KLHL6: variants seen among roughly 807,000 people sequenced by gnomAD.
The protein encoded by KLHL6 is kelch like family member 6.
KLHL6 carries 41 observed loss-of-function variants against 58.6 expected under a neutral mutation model. The observed-to-expected ratio is 0.70, with a 90% CI of 0.55 to 0.91. The LOEUF is 0.91. Ranked by LOEUF, KLHL6 falls within the 40% of genes least tolerant of loss-of-function variation. KLHL6 has a pLI of 0.00. For synonymous variants in KLHL6, 338 were observed against 322.7 expected, an observed-to-expected ratio of 1.05 and a Z score of -0.51; for missense variants, 714 against 805.6, an observed-to-expected ratio of 0.89 and a Z score of 1.38.
intron 1 of KLHL6, among the ~76,000 whole-genome samples, chr3:183,538,455 A>G (rs1442588521): frequency 2.6e-5 from 4 of 151,930 alleles, no homozygotes; most frequent in African/African-American, 9.7e-5. Flanking sequence ...CCAGGAACGA[A>G]CTCCCCTGTT....
chr3:183,491,805 G>A lies in KLHL6; in HGVS notation c.*122C>T. ...CCAAGGTTCCCCCAAAGTGAGTCAA[G>A]GGGATCCCCTGATGTATGGCCTCAA... On this transcript the variant is annotated 3_prime_UTR_variant, in exon 7 of 7. Transcript: ENST00000341319. The A allele has an allele frequency of 1.2e-6, 1 of 858,508 alleles. No individual in the cohort carries two copies. The highest frequency in any genetic ancestry group is 2.7e-5 in the South Asian group (1 of 36,782). 53.2% of individuals were successfully genotyped at this position (858,508 alleles called of 1,614,324 possible).
intron 1 of KLHL6, among the ~76,000 whole-genome samples, chr3:183,530,216 C>A (rs1474611218): frequency 6.6e-6 from 1 of 152,114 alleles, no homozygotes; most frequent in Non-Finnish European, 1.5e-5. Flanking sequence ...AGCTTTGGAA[C>A]TGAGTCATGA....
rs1248155945 is a variant in KLHL6, at chr3:183,491,900, G to T, written c.*27C>A. 6.9e-7 allele frequency: 1 copy of T among 1,458,850 alleles called. No homozygotes were observed. Among genetic ancestry groups the T allele is most frequent in the East Asian group, 2.5e-5 (1 of 39,744 alleles). The allele number at this position is 1,458,850 out of a possible 1,614,324, so 90.4% of individuals were successfully genotyped here. On this transcript the variant is annotated 3_prime_UTR_variant, in exon 7 of 7. Coordinates refer to ENST00000341319, the MANE Select transcript of KLHL6 (RefSeq NM_130446.4). ...TGAGGCGGGTACGCTGAGGGTCGGG[G>T]GGGCTCTCCAGCTCCCCATCCTGCC...
chr3:183,499,589 C>T lies in KLHL6; in HGVS notation c.1147+1G>A. The T allele has an allele frequency of 6.3e-7, 1 of 1,582,524 alleles. No individual in the cohort carries two copies. The highest frequency in any genetic ancestry group is 8.6e-7 in the Non-Finnish European group (1 of 1,161,042). ...TTTGCCTTTACATGACTCCTGCTTACCTGAGATGTAGACCTCATTTTTCAA... is the reference window on the plus strand; with the variant it reads ...TTTGCCTTTACATGACTCCTGCTTATCTGAGATGTAGACCTCATTTTTCAA... On this transcript the variant is annotated splice_donor_variant, in intron 4 of 6. Coordinates refer to ENST00000341319, the MANE Select transcript of KLHL6 (RefSeq NM_130446.4). LOFTEE classifies it high-confidence loss of function. This position sits in a 1 kb window ranked among gnomAD's most constrained non-coding sequence, Gnocchi z 4.6.
intron 4 of KLHL6, among the ~76,000 whole-genome samples, chr3:183,497,053 C>T (rs1447075396): frequency 1.3e-5 from 2 of 151,436 alleles, no homozygotes; most frequent in South Asian, 2.1e-4. Flanking sequence ...CCGAAGCGGG[C>T]GGATCACTTG....
Position 183,492,839 on chromosome 3 carries a change from G to T in KLHL6, c.1351-132C>A. ...TTTTGCCTATAGTCACAAGGCCCAT[G>T]GGCTTGACTCCTCTTAAGACACAGC... On this transcript the variant is annotated intron_variant, in intron 5 of 6. Transcript: ENST00000341319. The surrounding 1 kb of genome is among the most constrained non-coding windows in gnomAD (Gnocchi z 5.9). 1.4e-6 allele frequency: 1 copy of T among 723,958 alleles called. No individual in the cohort carries two copies. Among genetic ancestry groups the T allele is most frequent in the Non-Finnish European group, 2.3e-6 (1 of 438,982 alleles). 44.8% of individuals were successfully genotyped at this position (723,958 alleles called of 1,614,324 possible). A position where few individuals can be genotyped will look rare whatever the true frequency, so the allele number is the denominator to read the frequency against.
At position 183,537,318 on chromosome 3, in the gene KLHL6, G is replaced by A. The variant is rs1394606357; in HGVS notation, c.294-9308C>T. Among the ~76,000 whole-genome samples the A allele has an allele frequency of 6.6e-5, 10 of 152,252 alleles. No homozygotes were observed. In the East Asian group the frequency reaches 1.5e-3, roughly 24 times the overall value. On this transcript the variant is annotated intron_variant, in intron 1 of 6. Coordinates refer to ENST00000341319, the MANE Select transcript of KLHL6 (RefSeq NM_130446.4). ...AGCAGGAGTTCAAGGCCTTTTGCGG[G>A]GGATCAACTCAGTGTCAGCGCTCAA... is the stretch of plus-strand genomic sequence containing the variant.
chr3:183,539,524 A>C (rs1395545127), intron 1 of KLHL6, among the ~76,000 whole-genome samples: 4 of 152,108 alleles, frequency 2.6e-5, no homozygotes, highest in Non-Finnish European at 5.9e-5. Context: ...CCTGGCCAAC[A>C]CAGTGAAACC....
At chr3:183,532,240 C>T (rs530249831) in intron 1 of KLHL6, among the ~76,000 whole-genome samples, 12 of 152,312 alleles carry the variant, frequency 7.9e-5, no homozygotes, top group Admixed American at 4.6e-4. Context: ...CTCCTGCTCA[C>T]GCACCGAGGA....
intron 3 of KLHL6, among the ~76,000 whole-genome samples, chr3:183,502,883 A>G (rs1717906650): frequency 1.3e-5 from 2 of 152,210 alleles, no homozygotes; most frequent in South Asian, 2.1e-4. Context: ...GCAATTGAGA[A>G]CTAACACAAT....
chr3:183,550,540 A>G (rs772976065), intron 1 of KLHL6, among the ~76,000 whole-genome samples: 4 of 152,154 alleles, frequency 2.6e-5, no homozygotes, highest in Non-Finnish European at 5.9e-5. Context: ...CACAGCTGTA[A>G]TCCCAGCAAT....
chr3:183,534,579 T>A (rs959305146), intron 1 of KLHL6, among the ~76,000 whole-genome samples: 2 of 152,046 alleles, frequency 1.3e-5, no homozygotes, highest in African/African-American at 4.8e-5. Flanking sequence ...AATTTTGCAA[T>A]GTTTGTAGAA....
At chr3:183,553,522 A>C (rs1713006207) in intron 1 of KLHL6, among the ~76,000 whole-genome samples, 1 of 152,224 alleles carries the variant, frequency 6.6e-6, no homozygotes, top group Non-Finnish European at 1.5e-5. Flanking sequence ...CATTGAGCTA[A>C]CTTGACTTCA....
At position 183,487,834 on chromosome 3, in the gene KLHL6, A is replaced by C. The variant is rs1459495442; in HGVS notation, c.*4093T>G. ...TAATACAACACCCAGGTATTAAGGG[A>C]AAAAATGATTTTGCAACCCCAAGTT... On this transcript the variant is annotated 3_prime_UTR_variant, in exon 7 of 7. Transcript: ENST00000341319. 1 of 152,252 alleles carries C rather than the reference A, an allele frequency of 6.6e-6. No individual in the cohort carries two copies. Among genetic ancestry groups the C allele is most frequent in the Non-Finnish European group, 1.5e-5 (1 of 68,046 alleles). 9.4% of individuals were successfully genotyped at this position (152,252 alleles called of 1,614,324 possible). A position where few individuals can be genotyped will look rare whatever the true frequency, so the allele number is the denominator to read the frequency against.
chr3:183,523,724 G>T (rs1011760491), intron 2 of KLHL6, among the ~76,000 whole-genome samples: 1 of 151,740 alleles, frequency 6.6e-6, no homozygotes, highest in African/African-American at 2.4e-5. Flanking sequence ...TAAGTTTTTG[G>T]GGTACAGGTG....
At position 183,527,956 on chromosome 3, in the gene KLHL6, T is replaced by G. The variant is rs1712032946; in HGVS notation, c.348A>C (p.Lys116Asn). The G allele has an allele frequency of 1.2e-6, 2 of 1,613,930 alleles. No homozygotes were observed. Among genetic ancestry groups the G allele is most frequent in the African/African-American group, 2.7e-5 (2 of 74,890 alleles). Reference sequence around the variant, plus strand: ...TGTGCATGGTCTCAGCATCAACCCCTTTAATAATGATCCTTTTCTCATACT... The same window carrying G: ...TGTGCATGGTCTCAGCATCAACCCCGTTAATAATGATCCTTTTCTCATACT... ...KEKYEKRIII[K>N]GVDAETMHTL... Residue 116 changes from lysine to asparagine, a missense_variant, in exon 2 of 7, where the codon AAA becomes AAC. Physicochemically the swap from Lys to Asn is moderately conservative, Grantham distance 94 (BLOSUM62 0). Transcript: ENST00000341319.
At chr3:183,511,551 A>G (rs2108676623) in intron 2 of KLHL6, among the ~76,000 whole-genome samples, 1 of 152,304 alleles carries the variant, frequency 6.6e-6, no homozygotes, top group Middle Eastern at 3.4e-3. Context: ...CCACGAGGCC[A>G]TATTTCAGAC....
chr3:183,538,829 A>G (rs559300056), intron 1 of KLHL6, among the ~76,000 whole-genome samples: 1 of 152,316 alleles, frequency 6.6e-6, no homozygotes, highest in African/African-American at 2.4e-5. Flanking sequence ...TCTGAGCTCA[A>G]GCTGTCCCCT....
chr3:183,506,105 AG>A (rs776029630), intron 3 of KLHL6, among the ~76,000 whole-genome samples: 2 of 152,234 alleles, frequency 1.3e-5, no homozygotes, highest in Non-Finnish European at 2.9e-5. Flanking sequence ...GGCCTAATGA[AG>A]AAAGCCTGGT....
Sources: allele counts gnomAD v4.1 joint callset (sites outside exome capture counted in the v4.1 genomes callset), GRCh38; gene constraint gnomAD v4.1.1; non-coding constraint Gnocchi (gnomAD v3.1); transcripts MANE v1.5; gene names NCBI Gene and HGNC (gene_info 2026-07-23, HGNC 2026-07-21).